Variants in FLT1 observed in about 807,000 individuals in gnomAD.
FLT1 encodes vascular endothelial growth factor receptor 1.
Under a neutral mutation model 156.3 loss-of-function variants are expected in FLT1, and 49 were observed. That is an observed-to-expected ratio of 0.31 (90% CI 0.25 to 0.40). The LOEUF is 0.40. Ranked by LOEUF, FLT1 falls within the 10% of genes least tolerant of loss-of-function variation. The pLI, the probability that FLT1 is intolerant of heterozygous loss-of-function variation, is 1.00. For synonymous variants in FLT1, 594 were observed against 583.8 expected (o/e 1.02, Z -0.25); for missense variants, 1,322 against 1,637.2 (o/e 0.81, Z 3.32).
At chr13:28,308,619 A>G (rs1379729038) in intron 28 of FLT1, among the ~76,000 whole-genome samples, 1 of 152,200 alleles carries the variant, frequency 6.6e-6, no homozygotes, top group Non-Finnish European at 1.5e-5. Context: ...AATTCCTACC[A>G]CGCAGGGACT....
chr13:28,303,053 G>C lies in FLT1; in HGVS notation c.*114C>G. On this transcript the variant is annotated 3_prime_UTR_variant, in exon 30 of 30. Coordinates refer to ENST00000282397, the MANE Select transcript of FLT1 (RefSeq NM_002019.4). ...TTAAAAAAATCACAAAAAGCAGCTG[G>C]CTCCCATGGAAAGATAAAGGTGTAA... The C allele has an allele frequency of 1.1e-6, 1 of 896,232 alleles. No homozygotes were observed. The highest frequency in any genetic ancestry group is 1.6e-5 in the South Asian group (1 of 62,754). The allele number at this position is 896,232 out of a possible 1,614,324, so 55.5% of individuals were successfully genotyped here.
chr13:28,311,858 T>C (rs1871019195), intron 26 of FLT1, 126 bp from the exon 27 acceptor site: 1 of 1,126,680 alleles, frequency 8.9e-7, no homozygotes, highest in South Asian at 1.3e-5. Flanking sequence ...GATAATTCTG[T>C]ATACACACAC....
intron 1 of FLT1, among the ~76,000 whole-genome samples, chr13:28,487,147 T>C (rs1431766337): frequency 6.6e-6 from 1 of 152,196 alleles, no homozygotes; most frequent in Non-Finnish European, 1.5e-5. Flanking sequence ...TAGGTCCCTC[T>C]CAAGAGCTCA....
chr13:28,457,647 A>G (rs912616044), intron 3 of FLT1, among the ~76,000 whole-genome samples: 1 of 152,220 alleles, frequency 6.6e-6, no homozygotes, highest in African/African-American at 2.4e-5. Context: ...TCACCTCCTC[A>G]TCTCCAAGCA....
At chr13:28,328,680 C>T (rs1455139639) in intron 19 of FLT1, among the ~76,000 whole-genome samples, 3 of 152,174 alleles carry the variant, frequency 2.0e-5, no homozygotes, top group East Asian at 1.9e-4. Flanking sequence ...CGGCAGATGC[C>T]GCAGAGTTCG....
intron 14 of FLT1, among the ~76,000 whole-genome samples, chr13:28,365,398 G>C (rs139906885): frequency 3.2e-4 from 49 of 152,024 alleles, no homozygotes; most frequent in African/African-American, 1.1e-3. Context: ...TGTCGCCCAG[G>C]CTAGAGTGAA....
chr13:28,426,764 G>A (rs1877364744), intron 10 of FLT1, among the ~76,000 whole-genome samples: 1 of 152,164 alleles, frequency 6.6e-6, no homozygotes, highest in East Asian at 1.9e-4. Flanking sequence ...GGAAGAACTT[G>A]GATCATAACC....
chr13:28,349,298 A>C (rs1053586503), intron 15 of FLT1, among the ~76,000 whole-genome samples: 1 of 152,122 alleles, frequency 6.6e-6, no homozygotes, highest in Non-Finnish European at 1.5e-5. Context: ...TTCCTTAAAG[A>C]AATTTCTAAG....
chr13:28,393,886 C>T (rs1183491500), intron 12 of FLT1, among the ~76,000 whole-genome samples: 2 of 151,988 alleles, frequency 1.3e-5, no homozygotes, highest in Admixed American at 6.6e-5. Context: ...TGTGCTTGGC[C>T]CCAAGTAACT....
At chr13:28,488,168 C>T (rs932493533) in intron 1 of FLT1, among the ~76,000 whole-genome samples, 5 of 151,972 alleles carry the variant, frequency 3.3e-5, no homozygotes, top group African/African-American at 7.3e-5. Flanking sequence ...GAGATCGAGG[C>T]GGGTGGATCA....
At chr13:28,479,533 A>G (rs530797227) in intron 1 of FLT1, among the ~76,000 whole-genome samples, 2 of 152,326 alleles carry the variant, frequency 1.3e-5, no homozygotes, top group Admixed American at 1.3e-4. Context: ...CTTATCTTAG[A>G]TGGAATTCAT....
At chr13:28,463,429 C>A (rs916640737) in intron 3 of FLT1, among the ~76,000 whole-genome samples, 1 of 152,188 alleles carries the variant, frequency 6.6e-6, no homozygotes, top group African/African-American at 2.4e-5. Context: ...CAGAGCTATA[C>A]TCCTGATTCT....
intron 16 of FLT1, among the ~76,000 whole-genome samples, chr13:28,341,986 G>A (rs144199789): frequency 0.015 from 2,212 of 152,210 alleles, 27 homozygotes; most frequent in Non-Finnish European, 0.023. Flanking sequence ...GGGTTCATGC[G>A]ATTCTCCTGC....
intron 1 of FLT1, among the ~76,000 whole-genome samples, chr13:28,494,577 T>TC (rs1431270233): frequency 6.6e-6 from 1 of 151,792 alleles, no homozygotes; most frequent in African/African-American, 2.4e-5. Context: ...GGCCAGCCAC[T>TC]CCTCGAGGCG....
At chr13:28,483,481 T>C (rs1197005027) in intron 1 of FLT1, among the ~76,000 whole-genome samples, 1 of 152,192 alleles carries the variant, frequency 6.6e-6, no homozygotes, top group East Asian at 1.9e-4. Context: ...AGCTTTTTCT[T>C]TGGAGTGAAA....
At chr13:28,467,704 AT>A (rs1566046156) in intron 1 of FLT1, 87 bp from the exon 2 acceptor site, 1 of 705,852 alleles carries the variant, frequency 1.4e-6, no homozygotes, top group Non-Finnish European at 2.4e-6. Context: ...TGAGTTTTTC[AT>A]TTTTAATTTA....
At chr13:28,409,098 A>G (rs1875985294) in intron 10 of FLT1, among the ~76,000 whole-genome samples, 1 of 151,852 alleles carries the variant, frequency 6.6e-6, no homozygotes, top group Non-Finnish European at 1.5e-5. Context: ...CATCTGTGGA[A>G]CTCCCCATCT....
intron 1 of FLT1, among the ~76,000 whole-genome samples, chr13:28,482,244 G>C (rs1248067213): frequency 6.6e-6 from 1 of 152,126 alleles, no homozygotes; most frequent in Non-Finnish European, 1.5e-5. Flanking sequence ...TTTGAGACCA[G>C]CCTGACCAAC....
intron 10 of FLT1, among the ~76,000 whole-genome samples, chr13:28,411,326 G>A (rs1876159116): frequency 6.6e-6 from 1 of 151,742 alleles, no homozygotes; most frequent in African/African-American, 2.4e-5. Flanking sequence ...GCCGAGGCAG[G>A]TGGATCACCT....
Sources: gnomAD v4.1 joint callset for allele counts (sites outside exome capture counted in the v4.1 genomes callset) on GRCh38, gnomAD v4.1.1 for gene constraint, MANE v1.5 for transcripts, NCBI Gene and HGNC (gene_info 2026-07-23, HGNC 2026-07-21) for gene names.